Variants in CLNK observed in about 807,000 individuals in gnomAD.
The protein encoded by CLNK is cytokine-dependent hematopoietic cell linker.
A neutral mutation model predicts 68.6 loss-of-function variants in CLNK; 74 were observed. The ratio of observed to expected loss-of-function variants is 1.08; its 90% CI spans 0.89 to 1.31. The LOEUF (loss-of-function observed/expected upper bound fraction) is 1.31, where lower values mean the gene tolerates loss of function less well. Ranked by LOEUF, CLNK falls within the 50% of genes most tolerant of loss-of-function variation. The pLI, the probability that CLNK is intolerant of heterozygous loss-of-function variation, is 0.00. For missense variants in CLNK, 553 were observed against 515.3 expected (o/e 1.07, Z -0.71); for synonymous variants, 198 against 172.2 (o/e 1.15, Z -1.17).
chr4:10,649,460 T>C (rs1048572670), intron 2 of CLNK, among the ~76,000 whole-genome samples: 4 of 152,170 alleles, frequency 2.6e-5, no homozygotes, highest in African/African-American at 7.2e-5. Context: ...TTAATTTTCA[T>C]GGCCTGGCAG....
the CLNK span, among the ~76,000 whole-genome samples, chr4:10,691,425 G>A: frequency 1.4e-3 from 212 of 152,182 alleles, no homozygotes; most frequent in Middle Eastern, 3.4e-3. Flanking sequence ...TGAAGTGACT[G>A]GCCACCAAGG....
intron 2 of CLNK, among the ~76,000 whole-genome samples, chr4:10,655,344 G>GAGAC (rs1260011723): frequency 1.9e-5 from 1 of 52,824 alleles, no homozygotes; most frequent in African/African-American, 4.6e-5. Flanking sequence ...CAGAGAGAGA[G>GAGAC]AGAGAGAGAG....
intron 2 of CLNK, among the ~76,000 whole-genome samples, chr4:10,642,250 C>T (rs1025632912): frequency 2.0e-5 from 3 of 152,154 alleles, no homozygotes; most frequent in African/African-American, 7.2e-5. Context: ...TTCCACCTGC[C>T]ACATGTCTGA....
At chr4:10,599,735 A>G (rs1721518580) in intron 2 of CLNK, among the ~76,000 whole-genome samples, 1 of 151,946 alleles carries the variant, frequency 6.6e-6, no homozygotes, top group African/African-American at 2.4e-5. Context: ...CATCATCCGA[A>G]TCTGTTAACA....
intron 2 of CLNK, among the ~76,000 whole-genome samples, chr4:10,623,858 C>T (rs144647708): frequency 6.6e-6 from 1 of 152,206 alleles, no homozygotes; most frequent in Non-Finnish European, 1.5e-5. Flanking sequence ...AACTCTGAGT[C>T]AGGACAGTGA....
the CLNK span, among the ~76,000 whole-genome samples, chr4:10,721,077 A>G: frequency 1.3e-5 from 2 of 152,244 alleles, no homozygotes; most frequent in African/African-American, 4.8e-5. Flanking sequence ...AAAATTACTT[A>G]TATATGATTC....
At chr4:10,653,768 A>G (rs964440172) in intron 2 of CLNK, among the ~76,000 whole-genome samples, 2 of 152,244 alleles carry the variant, frequency 1.3e-5, no homozygotes, top group Admixed American at 6.5e-5. Flanking sequence ...GGCAAGCTTA[A>G]TCAGGAACAA....
At chr4:10,633,137 C>T (rs762636437) in intron 2 of CLNK, among the ~76,000 whole-genome samples, 5 of 152,088 alleles carry the variant, frequency 3.3e-5, no homozygotes, top group African/African-American at 4.8e-5. Flanking sequence ...GGGGTTTGGC[C>T]AGTTTGGTCA....
At chr4:10,511,870 A>C (rs1207025048) in intron 16 of CLNK, among the ~76,000 whole-genome samples, 1 of 152,196 alleles carries the variant, frequency 6.6e-6, no homozygotes, top group Admixed American at 6.5e-5. Flanking sequence ...TTGGGCATAG[A>C]CTAAGGAATG....
the CLNK span, among the ~76,000 whole-genome samples, chr4:10,705,839 A>G: frequency 6.6e-6 from 1 of 152,242 alleles, no homozygotes; most frequent in East Asian, 1.9e-4. Flanking sequence ...TTCCACAGGC[A>G]CTACGCACAA....
intron 2 of CLNK, chr4:10,598,719 AT>A: frequency 2.3e-6 from 1 of 430,140 alleles, no homozygotes; most frequent in Non-Finnish European, 4.7e-6. Flanking sequence ...ATTGTTATGC[AT>A]TCCTAGTTCA....
intron 2 of CLNK, among the ~76,000 whole-genome samples, chr4:10,666,013 T>A (rs534690994): frequency 6.6e-5 from 10 of 151,908 alleles, no homozygotes; most frequent in Non-Finnish European, 1.3e-4. Flanking sequence ...AGAGGGAGAT[T>A]TGAGGTGAGA....
At chr4:10,555,925 G>GAACC (rs1157662432) in intron 8 of CLNK, among the ~76,000 whole-genome samples, 3 of 152,120 alleles carry the variant, frequency 2.0e-5, no homozygotes, top group Non-Finnish European at 4.4e-5. Context: ...TGGTAATGGG[G>GAACC]AACCATCAAT....
At chr4:10,562,221 C>T (rs1719924071) in intron 7 of CLNK, among the ~76,000 whole-genome samples, 1 of 151,616 alleles carries the variant, frequency 6.6e-6, no homozygotes, top group Non-Finnish European at 1.5e-5. Context: ...CCACCTCAGC[C>T]TATGTGCTGG....
intron 11 of CLNK, among the ~76,000 whole-genome samples, chr4:10,539,467 A>G (rs921953639): frequency 3.3e-5 from 5 of 152,218 alleles, no homozygotes; most frequent in African/African-American, 4.8e-5. Context: ...CTGTGCCCCA[A>G]ACTGCTGATG....
intron 17 of CLNK, among the ~76,000 whole-genome samples, chr4:10,504,819 T>G (rs545680640): frequency 1.3e-5 from 2 of 152,246 alleles, no homozygotes; most frequent in East Asian, 1.9e-4. Context: ...CTTTCATAAA[T>G]GAGAAACACA....
chr4:10,675,034 T>G (rs978198773), intron 1 of CLNK, among the ~76,000 whole-genome samples: 2 of 152,024 alleles, frequency 1.3e-5, no homozygotes, highest in Non-Finnish European at 2.9e-5. Context: ...GGACAAAGCA[T>G]GTGGGGCTTA....
the CLNK span, among the ~76,000 whole-genome samples, chr4:10,723,112 G>A: frequency 0.066 from 10,079 of 152,140 alleles, 451 homozygotes; most frequent in East Asian, 0.1. Flanking sequence ...TAAATGAAGA[G>A]GGTATAGTGA....
intron 2 of CLNK, among the ~76,000 whole-genome samples, chr4:10,620,673 C>A (rs978444791): frequency 2.0e-5 from 3 of 152,164 alleles, no homozygotes; most frequent in Non-Finnish European, 4.4e-5. Context: ...TGCCTGCCTG[C>A]ACCTGTTCTA....
Sources: gnomAD v4.1 joint callset for allele counts (sites outside exome capture counted in the v4.1 genomes callset) on GRCh38, gnomAD v4.1.1 for gene constraint, MANE v1.5 for transcripts, NCBI Gene and HGNC (gene_info 2026-07-23, HGNC 2026-07-21) for gene names.